Variants in UBFD1 observed in about 807,000 individuals in gnomAD.
UBFD1 encodes ubiquitin family domain containing 1.
Under a neutral mutation model 35.1 loss-of-function variants are expected in UBFD1, and 12 were observed. That is an observed-to-expected ratio of 0.34 (90% confidence interval 0.22 to 0.55). The LOEUF (loss-of-function observed/expected upper bound fraction) is 0.55. Among genes scored for constraint, UBFD1 ranks in the 20% least tolerant of loss-of-function variants. UBFD1 has a pLI of 0.89. For missense variants in UBFD1, 337 were observed against 410.8 expected, an observed-to-expected ratio of 0.82 and a Z score of 1.55; for synonymous variants, 178 against 167.6, an observed-to-expected ratio of 1.06 and a Z score of -0.48.
rs937472052 is a variant in UBFD1, at chr16:23,571,567, C to G, written c.*977C>G. 1.3e-5 allele frequency: 2 copies of G among 152,588 alleles called. No individual in the cohort carries two copies. Among genetic ancestry groups the G allele is most frequent in the African/African-American group, 4.8e-5 (2 of 41,472 alleles). The allele number at this position is 152,588 out of a possible 1,614,324, so 9.5% of individuals were successfully genotyped here. ...AGAAGATAGTTATACAGCCATATAG[C>G]TGCAGATCCAGATAACCTTCTTTCT... On this transcript the variant is annotated 3_prime_UTR_variant, in exon 7 of 7. Transcript: ENST00000395878.
rs1190843175 is a variant in UBFD1, at chr16:23,572,168, G to A, written c.*1578G>A. ...ATCCAGCCCACATAGACAGACTCTT[G>A]CTTTCCATGGTGTAGTCAATGCCAA... is the stretch of plus-strand genomic sequence containing the variant. On this transcript the variant is annotated 3_prime_UTR_variant, in exon 7 of 7. Transcript: ENST00000395878. 6.6e-6 allele frequency: 1 copy of A among 152,644 alleles called. No individual in the cohort carries two copies. The highest frequency in any genetic ancestry group is 1.9e-4 in the East Asian group (1 of 5,198). 9.5% of individuals were successfully genotyped at this position (152,644 alleles called of 1,614,324 possible).
At position 23,558,405 on chromosome 16, in the gene UBFD1, G is replaced by A. The variant is rs1288154424; in HGVS notation, c.355+126G>A. On this transcript the variant is annotated intron_variant, in intron 2 of 6. Coordinates refer to ENST00000395878, the MANE Select transcript of UBFD1 (RefSeq NM_019116.3). ...CCATCCTTACAGCAGTCTTCTGAAG[G>A]ATACTTGGATGCCCATTACTCAGCT... 4 of 1,183,896 alleles carry A rather than the reference G, an allele frequency of 3.4e-6. No individual in the cohort carries two copies. The Admixed American group carries it at 1.0e-4, about 30-fold the overall frequency. The allele number at this position is 1,183,896 out of a possible 1,614,324, so 73.3% of individuals were successfully genotyped here.
Position 23,573,906 on chromosome 16 carries a change from G to T in UBFD1, c.*3316G>T, listed in dbSNP as rs1184016241. 1 of 152,400 alleles carries T rather than the reference G, an allele frequency of 6.6e-6. No individual in the cohort carries two copies. The highest frequency in any genetic ancestry group is 2.4e-5 in the African/African-American group (1 of 41,462). 9.4% of individuals were successfully genotyped at this position (152,400 alleles called of 1,614,324 possible). A position where few individuals can be genotyped will look rare whatever the true frequency, so the allele number is the denominator to read the frequency against. ...TGCTTTCCACCCATCTGCTGAGGGA[G>T]CCCTCTCCTCTCGCTCCTTGCCTCT... is the stretch of plus-strand genomic sequence containing the variant. On this transcript the variant is annotated 3_prime_UTR_variant, in exon 7 of 7. Transcript: ENST00000395878.
rs1291785560 is a variant in UBFD1, at chr16:23,558,202, A to G, written c.278A>G (p.Asn93Ser). 3 of 1,611,048 alleles carry G rather than the reference A, an allele frequency of 1.9e-6. No homozygotes were observed. The highest frequency in any genetic ancestry group is 1.7e-5 in the Admixed American group (1 of 59,630). ...CTGGTGGACTTGAAGATCATCTGGA[A>G]TAAGACCAAGCATGACGTGAAGTTC... is the stretch of plus-strand genomic sequence containing the variant. ...RELVDLKIIW[N>S]KTKHDVKFPL... Residue 93 changes from asparagine (N) to serine (S), a missense_variant, in exon 2 of 7, where the codon AAT (asparagine) becomes AGT (serine). This residue lies in a region of UBFD1 where 198 missense variants were observed against 168.4 expected (regional missense o/e 1.18). Coordinates refer to ENST00000395878, the MANE Select transcript of UBFD1 (RefSeq NM_019116.3).
intron 2 of UBFD1, chr16:23,559,054 A>G (rs1459290526): frequency 1.3e-5 from 2 of 153,256 alleles, no homozygotes; most frequent in Non-Finnish European, 2.9e-5. Context: ...AGCTTTCTAC[A>G]TGTAGCCTTG....
chr16:23,565,551 TA>T (rs1316484148), intron 5 of UBFD1: 1 of 152,192 alleles, frequency 6.6e-6, no homozygotes, highest in South Asian at 2.1e-4. Flanking sequence ...GTTTCCATCT[TA>T]AAGACAGCTG....
intron 6 of UBFD1, among the ~76,000 whole-genome samples, 200 bp downstream of exon 6, chr16:23,567,269 C>A (rs961525804): frequency 1.3e-5 from 2 of 152,160 alleles, no homozygotes; most frequent in Admixed American, 6.5e-5. Context: ...TTACACCCCC[C>A]CACACACACC....
Position 23,558,250 on chromosome 16 carries a change from A to C in UBFD1, c.326A>C (p.Glu109Ala). 6.2e-7 allele frequency: 1 copy of C among 1,607,294 alleles called. No homozygotes were observed. Among genetic ancestry groups the C allele is most frequent in the Non-Finnish European group, 8.5e-7 (1 of 1,177,072 alleles). ...TTCCCCCTGGACAGCACAGGCTCCG[A>C]GCTGAAACAGAAGATCCACTCGATT... ...VKFPLDSTGSELKQKIHSITG... is the reference protein window; with the variant it reads ...VKFPLDSTGSALKQKIHSITG... The change falls in exon 2 of 7, where the codon GAG (glutamate) becomes GCG (alanine). Residue 109 changes from glutamate to alanine, a missense_variant. By Grantham distance (107) the Glu-to-Ala change is moderately radical. Transcript: ENST00000395878.
Position 23,570,429 on chromosome 16 carries a change from T to C in UBFD1, c.820-51T>C, listed in dbSNP as rs780716898. Reference sequence around the variant, plus strand: ...CCTCACCCATGTTTGTCCTGCCTGCTTGGTCTCCCGACCTCTGAAGTACCG... The same window carrying C: ...CCTCACCCATGTTTGTCCTGCCTGCCTGGTCTCCCGACCTCTGAAGTACCG... On this transcript the variant is annotated intron_variant, in intron 6 of 6. Transcript: ENST00000395878. 4.4e-6 allele frequency: 6 copies of C among 1,375,138 alleles called. No individual in the cohort carries two copies. In the East Asian group the frequency reaches 6.9e-5, roughly 16 times the overall value. The allele number at this position is 1,375,138 out of a possible 1,614,324, so 85.2% of individuals were successfully genotyped here.
chr16:23,559,436 C>T (rs753411295), intron 2 of UBFD1, 32 bp from the exon 3 acceptor site: 1 of 1,595,368 alleles, frequency 6.3e-7, no homozygotes, highest in Non-Finnish European at 8.6e-7. Context: ...TCCTTCCTTC[C>T]TTTCACTGTC....
chr16:23,560,870 TTGAG>T (rs992991152), intron 3 of UBFD1, among the ~76,000 whole-genome samples: 3 of 152,208 alleles, frequency 2.0e-5, no homozygotes, highest in Non-Finnish European at 4.4e-5. Context: ...TTGAAACCGA[TTGAG>T]TTTCTTCTCA....
At chr16:23,558,307 C>T (rs969954443) in intron 2 of UBFD1, 28 bp downstream of exon 2, 2 of 1,592,996 alleles carry the variant, frequency 1.3e-6, no homozygotes, top group East Asian at 2.4e-5. Flanking sequence ...GACAGCCAGT[C>T]TTCCCCACCC....
intron 6 of UBFD1, among the ~76,000 whole-genome samples, 184 bp from the exon 7 acceptor site, chr16:23,570,296 C>T (rs148742699): frequency 6.6e-6 from 1 of 152,292 alleles, no homozygotes; most frequent in East Asian, 1.9e-4. Context: ...AGGGTTGGCT[C>T]AGCTTAACCC....
At chr16:23,563,154 C>T (rs553186803) in intron 5 of UBFD1, among the ~76,000 whole-genome samples, 1 of 151,562 alleles carries the variant, frequency 6.6e-6, no homozygotes, top group South Asian at 2.1e-4. Context: ...CACATGGCAT[C>T]GATCCACTAG....
chr16:23,567,297 G>A (rs1166422934), intron 6 of UBFD1, among the ~76,000 whole-genome samples: 1 of 152,104 alleles, frequency 6.6e-6, no homozygotes, highest in East Asian at 1.9e-4. Context: ...AGTTTAAAGG[G>A]GATATGTTTT....
intron 5 of UBFD1, among the ~76,000 whole-genome samples, 171 bp downstream of exon 5, chr16:23,562,901 G>A (rs1340659063): frequency 1.3e-5 from 2 of 152,024 alleles, no homozygotes; most frequent in African/African-American, 2.4e-5. Flanking sequence ...TGTTTGGACC[G>A]TTTTCCCTCA....
chr16:23,562,935 C>T (rs1382653698), intron 5 of UBFD1, among the ~76,000 whole-genome samples: 4 of 152,236 alleles, frequency 2.6e-5, no homozygotes, highest in Non-Finnish European at 5.9e-5. Context: ...GATCTTAGGG[C>T]TGATCCACCA....
At chr16:23,559,996 C>T (rs568349692) in intron 3 of UBFD1, 46 of 938,080 alleles carry the variant, frequency 4.9e-5, no homozygotes, top group Non-Finnish European at 7.0e-5. Flanking sequence ...ACTACCAGTA[C>T]TAGAAGTAAG....
chr16:23,561,392 C>G (rs1034315073), intron 3 of UBFD1, among the ~76,000 whole-genome samples: 1 of 152,182 alleles, frequency 6.6e-6, no homozygotes, highest in African/African-American at 2.4e-5. Flanking sequence ...GTGGCTATGC[C>G]TATAAGGCCA....
Sources: allele counts gnomAD v4.1 joint callset (sites outside exome capture counted in the v4.1 genomes callset), GRCh38; gene constraint gnomAD v4.1.1; regional missense constraint gnomAD v4.1.1; transcripts MANE v1.5; gene names NCBI Gene and HGNC (gene_info 2026-07-23, HGNC 2026-07-21).